Variants in TG observed in about 807,000 individuals in gnomAD.
TG encodes thyroglobulin.
Under a neutral mutation model 324.7 loss-of-function variants are expected in TG, and 270 were observed. The ratio of observed to expected loss-of-function variants is 0.83; its 90% CI spans 0.75 to 0.92. The LOEUF (loss-of-function observed/expected upper bound fraction) is 0.92. Ranked by LOEUF, TG falls within the 40% of genes least tolerant of loss-of-function variation. The pLI, the probability that TG is intolerant of heterozygous loss-of-function variation, is 0.00. For missense variants in TG, 3,591 were observed against 3,456.4 expected (o/e 1.04, Z -0.98); for synonymous variants, 1,401 against 1,327.0 (o/e 1.06, Z -1.21).
intron 41 of TG, among the ~76,000 whole-genome samples, chr8:133,082,788 C>T (rs1410316656): frequency 3.9e-5 from 6 of 152,184 alleles, no homozygotes; most frequent in African/African-American, 1.2e-4. Flanking sequence ...CTAATGTTCT[C>T]ATTCTATGAT....
chr8:133,050,924 A>T (rs1351501411), intron 41 of TG: 1 of 1,589,934 alleles, frequency 6.3e-7, no homozygotes, highest in East Asian at 2.2e-5. Context: ...TCCTGGGGAA[A>T]CAAAGGCAAG....
intron 8 of TG, among the ~76,000 whole-genome samples, chr8:132,885,556 T>TCCCAAGGAGGAATTAGCCACACTA (rs368744509): frequency 0.021 from 3,242 of 152,160 alleles, 127 homozygotes; most frequent in African/African-American, 0.075. Flanking sequence ...AAAAGACTAC[T>TCCCAAGGAGGAATTAGCCACACTA]CCCAAGGAGG....
At chr8:132,904,742 TA>T (rs559628989) in intron 16 of TG, among the ~76,000 whole-genome samples, 11 of 150,464 alleles carry the variant, frequency 7.3e-5, no homozygotes, top group Middle Eastern at 3.2e-3. Flanking sequence ...CAAGGGAGGG[TA>T]AAAAAAACAA....
At chr8:133,046,764 C>T (rs1839490722) in intron 41 of TG, among the ~76,000 whole-genome samples, 1 of 145,132 alleles carries the variant, frequency 6.9e-6, no homozygotes, top group African/African-American at 2.9e-5. Context: ...TTCTGTACCC[C>T]AGCATATTTG....
chr8:133,022,032 G>C lies in TG; in HGVS notation c.6918G>C (p.Met2306Ile). The stretch of plus-strand genomic sequence containing the variant: ...TGCTGGTGTTCTTCCACAACACCAT[G>C]GACAGGGAGGAGAGTGAAGGATGGC... ...ASVLVFFHNT[M>I]DREESEGWPA... Residue 2306 changes from methionine to isoleucine, a missense_variant, in exon 40 of 48, where the codon ATG (methionine) becomes ATC (isoleucine). Physicochemically the swap from Met to Ile is conservative, Grantham distance 10. Coordinates refer to ENST00000220616, the MANE Select transcript of TG (RefSeq NM_003235.5). The C allele has an allele frequency of 6.2e-7, 1 of 1,614,192 alleles. No homozygotes were observed.
At chr8:132,869,975 C>T in intron 3 of TG, 149 bp downstream of exon 3, 7 of 663,908 alleles carry the variant, frequency 1.1e-5, no homozygotes, top group Non-Finnish European at 7.8e-6. Flanking sequence ...TCCCTGCAAG[C>T]CATGGAAGGC....
At chr8:133,034,371 T>C (rs1045408922) in intron 41 of TG, among the ~76,000 whole-genome samples, 1 of 152,170 alleles carries the variant, frequency 6.6e-6, no homozygotes, top group Non-Finnish European at 1.5e-5. Context: ...TTCCTACACA[T>C]GCCATCATTT....
At chr8:132,967,333 C>T (rs1467237747) in intron 30 of TG, among the ~76,000 whole-genome samples, 1 of 152,030 alleles carries the variant, frequency 6.6e-6, no homozygotes, top group African/African-American at 2.4e-5. Flanking sequence ...AAGAGAACAC[C>T]CAAAATGAAT....
chr8:133,132,615 G>T (rs979580571), intron 46 of TG, among the ~76,000 whole-genome samples: 6 of 152,092 alleles, frequency 3.9e-5, no homozygotes, highest in African/African-American at 1.4e-4. Flanking sequence ...TGATTACCTA[G>T]AACTGTGCTA....
intron 35 of TG, among the ~76,000 whole-genome samples, chr8:133,004,573 C>A (rs567419209): frequency 7.9e-5 from 12 of 152,124 alleles, no homozygotes; most frequent in African/African-American, 2.4e-4. Flanking sequence ...AAGATCAATG[C>A]GAGTTAACAT....
At chr8:132,989,194 C>G (rs1831997539) in intron 35 of TG, among the ~76,000 whole-genome samples, 1 of 152,196 alleles carries the variant, frequency 6.6e-6, no homozygotes, top group Non-Finnish European at 1.5e-5. Flanking sequence ...CCACTGGGTC[C>G]CTCCCACAAC....
At chr8:133,058,329 C>T (rs567014568) in intron 41 of TG, among the ~76,000 whole-genome samples, 2 of 152,236 alleles carry the variant, frequency 1.3e-5, no homozygotes, top group East Asian at 3.9e-4. Context: ...ATTCTCTTCA[C>T]CAGGGGGTGG....
chr8:133,109,012 A>T (rs1173275829), intron 43 of TG, among the ~76,000 whole-genome samples: 1 of 152,210 alleles, frequency 6.6e-6, no homozygotes, highest in East Asian at 1.9e-4. Context: ...ATTTTTCATT[A>T]TCCACCTTGT....
intron 18 of TG, among the ~76,000 whole-genome samples, chr8:132,908,863 C>T (rs368692243): frequency 4.6e-5 from 7 of 152,078 alleles, no homozygotes; most frequent in African/African-American, 1.2e-4. Flanking sequence ...CTGAAAGGGA[C>T]GGGAGTGAGG....
At chr8:133,073,836 G>C (rs1844453032) in intron 41 of TG, among the ~76,000 whole-genome samples, 1 of 152,104 alleles carries the variant, frequency 6.6e-6, no homozygotes, top group Admixed American at 6.5e-5. Flanking sequence ...CCGTGACTTG[G>C]ACAAGCCACC....
chr8:133,021,512 A>G (rs534534382), intron 39 of TG, among the ~76,000 whole-genome samples: 1 of 152,328 alleles, frequency 6.6e-6, no homozygotes, highest in East Asian at 1.9e-4. Context: ...GGGGTTTAAT[A>G]GTTGCTCAGG....
chr8:133,091,450 G>A (rs1043300094), intron 41 of TG, among the ~76,000 whole-genome samples: 14 of 152,272 alleles, frequency 9.2e-5, no homozygotes, highest in Non-Finnish European at 1.6e-4. Context: ...CTGCTTGTCC[G>A]GGTAGCTGCC....
chr8:133,080,585 G>A (rs1845597636), intron 41 of TG, among the ~76,000 whole-genome samples: 1 of 152,070 alleles, frequency 6.6e-6, no homozygotes, highest in Non-Finnish European at 1.5e-5. Context: ...CCCAAACTCA[G>A]GACCATCTTC....
chr8:133,053,549 G>A (rs4736619), intron 41 of TG, among the ~76,000 whole-genome samples: 27,845 of 152,102 alleles, frequency 0.18, 2,761 homozygotes, highest in Admixed American at 0.22. Context: ...TGCAAAAAAC[G>A]TGTTGAAATG....
Sources: gnomAD v4.1 joint callset for allele counts (sites outside exome capture counted in the v4.1 genomes callset) on GRCh38, gnomAD v4.1.1 for gene constraint, MANE v1.5 for transcripts, NCBI Gene and HGNC (gene_info 2026-07-23, HGNC 2026-07-21) for gene names.